Variants in RPSA2 observed in about 807,000 individuals in gnomAD.
The protein encoded by RPSA2 is ribosomal protein SA 2.
At chr19:23,768,794 G>T in the RPSA2 span, among the ~76,000 whole-genome samples, 1 of 149,726 alleles carries the variant, frequency 6.7e-6, no homozygotes, top group African/African-American at 2.5e-5. Context: ...CACCATGTTG[G>T]CCAGGCTGTT....
chr19:23,841,420 C>T, the RPSA2 span, among the ~76,000 whole-genome samples: 21 of 152,184 alleles, frequency 1.4e-4, no homozygotes, highest in Admixed American at 3.9e-4. Flanking sequence ...GCCAAGATCA[C>T]GCCACTGCAC....
the RPSA2 span, among the ~76,000 whole-genome samples, chr19:23,765,353 AG>A: frequency 1.8e-4 from 27 of 152,194 alleles, no homozygotes; most frequent in African/African-American, 6.5e-4. Context: ...TGTGCACCGC[AG>A]CACACTTCAC....
chr19:23,793,205 GCTTTCTTT>G, the RPSA2 span, among the ~76,000 whole-genome samples: 251 of 148,098 alleles, frequency 1.7e-3, no homozygotes, highest in Middle Eastern at 3.5e-3. Flanking sequence ...GAAAGAGGTG[GCTTTCTTT>G]TTTTTTTTTT....
At chr19:23,859,623 G>A in the RPSA2 span, among the ~76,000 whole-genome samples, 1,102 of 23,452 alleles carry the variant, frequency 0.047, 19 homozygotes, top group African/African-American at 0.096. Context: ...ACAAAGTTCC[G>A]TCTCAAAAAA....
the RPSA2 span, among the ~76,000 whole-genome samples, chr19:23,842,003 A>G: frequency 1.3e-5 from 2 of 152,172 alleles, no homozygotes; most frequent in African/African-American, 4.8e-5. Flanking sequence ...GGTCATATAC[A>G]CTGGGATAAA....
At chr19:23,781,809 G>A in the RPSA2 span, among the ~76,000 whole-genome samples, 1 of 152,190 alleles carries the variant, frequency 6.6e-6, no homozygotes, top group Non-Finnish European at 1.5e-5. Context: ...TTCTACAAAT[G>A]TCTTGTGACA....
chr19:23,823,358 T>C, the RPSA2 span, among the ~76,000 whole-genome samples: 2 of 152,134 alleles, frequency 1.3e-5, no homozygotes, highest in Non-Finnish European at 2.9e-5. Context: ...TTGGAGTTTG[T>C]TAATCCCCTC....
the RPSA2 span, among the ~76,000 whole-genome samples, chr19:23,807,349 T>C: frequency 6.6e-6 from 1 of 152,232 alleles, no homozygotes; most frequent in African/African-American, 2.4e-5. Flanking sequence ...AGAGATTCAG[T>C]AACTCAGACT....
the RPSA2 span, among the ~76,000 whole-genome samples, chr19:23,817,120 G>A: frequency 1.3e-5 from 2 of 152,120 alleles, no homozygotes; most frequent in Non-Finnish European, 2.9e-5. Context: ...AGTGGCTCAC[G>A]CCTGTAATCC....
chr19:23,830,292 GT>G, the RPSA2 span, among the ~76,000 whole-genome samples: 3 of 152,092 alleles, frequency 2.0e-5, no homozygotes, highest in Non-Finnish European at 4.4e-5. Context: ...TTACAGGCAT[GT>G]GCCACCACAC....
the RPSA2 span, among the ~76,000 whole-genome samples, chr19:23,864,065 C>T: frequency 7.9e-5 from 12 of 152,152 alleles, no homozygotes; most frequent in South Asian, 4.1e-4. Context: ...GAAGACCGAA[C>T]ATGCACACAC....
the RPSA2 span, among the ~76,000 whole-genome samples, chr19:23,839,923 C>A: frequency 6.6e-6 from 1 of 152,210 alleles, no homozygotes; most frequent in Non-Finnish European, 1.5e-5. Context: ...AAGAGAGTCT[C>A]CCTTTCCCAC....
chr19:23,865,083 A>G, the RPSA2 span, among the ~76,000 whole-genome samples: 2 of 152,328 alleles, frequency 1.3e-5, no homozygotes, highest in African/African-American at 2.4e-5. Context: ...AGGGACTTCG[A>G]GGAAGTGAAC....
chr19:23,827,709 T>G, the RPSA2 span: 1 of 1,587,522 alleles, frequency 6.3e-7, no homozygotes, highest in Non-Finnish European at 8.6e-7. Flanking sequence ...CGGGAAGTTC[T>G]GCGCATGCGT....
the RPSA2 span, among the ~76,000 whole-genome samples, chr19:23,852,115 A>G: frequency 6.6e-6 from 1 of 152,332 alleles, no homozygotes; most frequent in Admixed American, 6.5e-5. Context: ...AGGCTGAGAC[A>G]GCTGTACCCT....
chr19:23,831,082 C>T, the RPSA2 span, among the ~76,000 whole-genome samples: 2 of 151,996 alleles, frequency 1.3e-5, no homozygotes, highest in African/African-American at 2.4e-5. Context: ...TTCTGTGGTA[C>T]TGCTGTCAGT....
the RPSA2 span, among the ~76,000 whole-genome samples, chr19:23,844,937 T>C: frequency 6.7e-6 from 1 of 149,792 alleles, no homozygotes; most frequent in Non-Finnish European, 1.5e-5. Flanking sequence ...GACTCAATCA[T>C]GCTACTCATT....
chr19:23,790,755 C>T, the RPSA2 span: 44 of 471,082 alleles, frequency 9.3e-5, no homozygotes, highest in Middle Eastern at 3.3e-4. Flanking sequence ...ACGCCAGGAC[C>T]CGCTGAAAGC....
At chr19:23,861,460 T>TC in the RPSA2 span, among the ~76,000 whole-genome samples, 2 of 151,868 alleles carry the variant, frequency 1.3e-5, no homozygotes, top group Non-Finnish European at 2.9e-5. Context: ...CTAGCATATC[T>TC]CCCCCCATGT....
Sources: allele counts gnomAD v4.1 joint callset (sites outside exome capture counted in the v4.1 genomes callset), GRCh38; gene constraint gnomAD v4.1.1; transcripts MANE v1.5; gene names NCBI Gene and HGNC (gene_info 2026-07-23, HGNC 2026-07-21).